The following GRIK5 variants were observed in gnomAD, a reference collection of about 807,000 sequenced individuals.
GRIK5 encodes the protein glutamate receptor ionotropic, kainate 5.
Under a neutral mutation model 97.4 loss-of-function variants are expected in GRIK5, and 43 were observed. The ratio of observed to expected loss-of-function variants is 0.44; its 90% CI spans 0.35 to 0.57. The LOEUF is 0.57. GRIK5 is among the 20% of genes least tolerant of loss of function. GRIK5 has a pLI of 0.01. For missense variants in GRIK5, 1,015 were observed against 1,382.0 expected (o/e 0.73, Z 4.21); for synonymous variants, 580 against 583.5 (o/e 0.99, Z 0.09).
intron 11 of GRIK5, among the ~76,000 whole-genome samples, chr19:42,049,465 C>T (rs559725590): frequency 6.6e-6 from 1 of 152,288 alleles, no homozygotes; most frequent in African/African-American, 2.4e-5. Context: ...AATGAGACTA[C>T]ACTACTTGCA....
intron 12 of GRIK5, among the ~76,000 whole-genome samples, chr19:42,035,272 C>T (rs2075888946): frequency 6.6e-6 from 1 of 152,134 alleles, no homozygotes; most frequent in Non-Finnish European, 1.5e-5. Context: ...TGAGTCACTG[C>T]GCCTGGCCTA....
chr19:42,053,662 G>A lies in GRIK5; in HGVS notation c.1209C>T (p.Thr403=). The A allele has an allele frequency of 6.2e-7, 1 of 1,613,704 alleles. No homozygotes were observed. The highest frequency in any genetic ancestry group is 8.5e-7 in the Non-Finnish European group (1 of 1,179,582). Residue 403 remains threonine, a synonymous_variant, in exon 11 of 20, where the codon ACC becomes ACT. Transcript: ENST00000593562. ...SNRTLAMNAT[T]LDINLSQTLA... ...GTGTCTGCGACAGGTTGATGTCCAG[G>A]GTGGTGGCATTCATGGCCAGGGTGC...
intron 15 of GRIK5, among the ~76,000 whole-genome samples, chr19:42,016,064 A>G (rs1312969302): frequency 6.6e-6 from 1 of 152,138 alleles, no homozygotes; most frequent in Non-Finnish European, 1.5e-5. Flanking sequence ...GACTGACTCA[A>G]CCTCTCCAGA....
At chr19:42,041,311 C>T (rs2075975008) in intron 12 of GRIK5, among the ~76,000 whole-genome samples, 1 of 152,162 alleles carries the variant, frequency 6.6e-6, no homozygotes, top group Non-Finnish European at 1.5e-5. Flanking sequence ...GTCTGCACAC[C>T]AGCTCTGGGA....
chr19:42,038,124 A>G (rs922914244), intron 12 of GRIK5, among the ~76,000 whole-genome samples: 1 of 152,204 alleles, frequency 6.6e-6, no homozygotes, highest in Non-Finnish European at 1.5e-5. Context: ...TCAGACTCAC[A>G]CTGTAGAAAG....
Position 42,062,672 on chromosome 19 carries a change from T to C in GRIK5, c.343-19A>G, listed in dbSNP as rs372932393. ...GGGGGATCTGGACAGAGAGGAAACT[T>C]TGGCCTCCATCCTGCTTCTCCGCCC... is the stretch of plus-strand genomic sequence containing the variant. On this transcript the variant is annotated intron_variant, in intron 4 of 19. Transcript: ENST00000593562. The surrounding 1 kb of genome is among the most constrained non-coding windows in gnomAD (Gnocchi z 5.3). 40 of 1,613,632 alleles carry C rather than the reference T, an allele frequency of 2.5e-5. No homozygotes were observed. The highest frequency in any genetic ancestry group is 3.1e-5 in the Non-Finnish European group (37 of 1,179,794).
At chr19:42,063,902 C>G (rs1466629441) in intron 3 of GRIK5, among the ~76,000 whole-genome samples, 1 of 152,162 alleles carries the variant, frequency 6.6e-6, no homozygotes, top group Non-Finnish European at 1.5e-5. Context: ...TCTGCCACCT[C>G]TAACTAAAGG....
At position 42,003,033 on chromosome 19, in the gene GRIK5, G is replaced by A. The variant is rs2075442145; in HGVS notation, c.2514+299C>T. On this transcript the variant is annotated intron_variant, in intron 19 of 19. Transcript: ENST00000593562. The surrounding 1 kb of genome is among the most constrained non-coding windows in gnomAD (Gnocchi z 4.2). ...TTACAGGTGTGAGCCACTGCACTTG[G>A]CCCTGTTTCTCTTCTTATTTCTTCT... is the stretch of plus-strand genomic sequence containing the variant. Among the ~76,000 whole-genome samples, 1 of 152,024 alleles carries A rather than the reference G, an allele frequency of 6.6e-6. No individual in the cohort carries two copies. Among genetic ancestry groups the A allele is most frequent in the Non-Finnish European group, 1.5e-5 (1 of 67,986 alleles).
Position 42,006,418 on chromosome 19 carries a change from A to G in GRIK5, c.2037+227T>C, listed in dbSNP as rs1477927329. 6.6e-6 allele frequency among the ~76,000 whole-genome samples: 1 copy of G among 152,106 alleles called. No individual in the cohort carries two copies. Among genetic ancestry groups the G allele is most frequent in the Non-Finnish European group, 1.5e-5 (1 of 68,026 alleles). On this transcript the variant is annotated intron_variant, in intron 16 of 19. Transcript: ENST00000593562. This position sits in a 1 kb window ranked among gnomAD's most constrained non-coding sequence, Gnocchi z 5.3. ...TCCTTGATCCCATTTGGCCCATATG[A>G]CATTGACATTTGATACCACATATGC...
intron 9 of GRIK5, 32 bp from the exon 10 acceptor site, chr19:42,053,961 A>AAGCCTCCTGCTCGCCAGGCCCT: frequency 6.8e-7 from 1 of 1,464,656 alleles, no homozygotes; most frequent in Non-Finnish European, 9.6e-7. Flanking sequence ...GCAGAGGGAG[A>AAGCCTCCTGCTCGCCAGGCCCT]GTGCAGGGGC....
rs1209490633 is a variant in GRIK5, at chr19:42,021,728, G to A, written c.1697+219C>T. Among the ~76,000 whole-genome samples the A allele has an allele frequency of 1.3e-5, 2 of 152,098 alleles. No homozygotes were observed. The highest frequency in any genetic ancestry group is 6.6e-5 in the Admixed American group (1 of 15,266). Reference sequence around the variant, plus strand: ...GCAAAAAAGGGAGAGGCGGGAAGGGGAGAGACCTGAACAGAGAACCACAGA... The same window carrying A: ...GCAAAAAAGGGAGAGGCGGGAAGGGAAGAGACCTGAACAGAGAACCACAGA... On this transcript the variant is annotated intron_variant, in intron 14 of 19. Coordinates refer to ENST00000593562, the MANE Select transcript of GRIK5 (RefSeq NM_002088.5). This position sits in a 1 kb window ranked among gnomAD's most constrained non-coding sequence, Gnocchi z 4.2.
chr19:42,052,981 T>C (rs2076136082), intron 11 of GRIK5, among the ~76,000 whole-genome samples: 1 of 152,188 alleles, frequency 6.6e-6, no homozygotes, highest in Non-Finnish European at 1.5e-5. Flanking sequence ...GGAAAGGGCC[T>C]AGCACAGTGC....
At position 42,006,692 on chromosome 19, in the gene GRIK5, T is replaced by C. The variant is rs1302500291; in HGVS notation, c.1990A>G (p.Ile664Val). 2.5e-6 allele frequency: 4 copies of C among 1,613,894 alleles called. No homozygotes were observed. Among genetic ancestry groups the C allele is most frequent in the African/African-American group, 1.3e-5 (1 of 74,900 alleles). Residue 664 changes from isoleucine to valine, a missense_variant, in exon 16 of 20, where the codon ATC (isoleucine) becomes GTC (valine). Physicochemically the swap from Ile to Val is conservative, Grantham distance 29. Around this residue, in one of 5 missense-constraint regions of GRIK5, gnomAD observed 477 missense variants for 701.1 expected, o/e 0.68. Coordinates refer to ENST00000593562, the MANE Select transcript of GRIK5 (RefSeq NM_002088.5). The surrounding 1 kb of genome is among the most constrained non-coding windows in gnomAD (Gnocchi z 5.3). ...CCGGCGTGGATGGTGCCATACTCGA[T>C]GTTGGTCTGATCTGCCAGGTCATCG... Reference protein sequence around the residue: ...SADDLADQTNIEYGTIHAGST... With the variant: ...SADDLADQTNVEYGTIHAGST...
At chr19:42,066,732 A>G (rs1042602722) in intron 1 of GRIK5, among the ~76,000 whole-genome samples, 2 of 151,926 alleles carry the variant, frequency 1.3e-5, no homozygotes, top group Admixed American at 1.3e-4. Context: ...TAAAGAAAGG[A>G]CAGAGCAGGG....
Position 42,021,309 on chromosome 19 carries a change from G to A in GRIK5, c.1863C>T (p.Ser621=), listed in dbSNP as rs761064673. 15 of 1,611,792 alleles carry A rather than the reference G, an allele frequency of 9.3e-6. No homozygotes were observed. The highest frequency in any genetic ancestry group is 4.5e-5 in the East Asian group (2 of 44,858). ...MPRALSTRCV[S]GVWWAFTLII... is the part of the protein sequence containing the mutation. ...GATAGAAAGCTTCTCACCAGACTCC[G>A]CTGACACAGCGCGTGGACAGCGCCC... is the stretch of plus-strand genomic sequence containing the variant. The change falls in exon 15 of 20, where the codon AGC becomes AGT. Residue 621 remains serine (S), a synonymous_variant. Transcript: ENST00000593562. The surrounding 1 kb of genome is among the most constrained non-coding windows in gnomAD (Gnocchi z 4.2).
chr19:42,042,378 G>A lies in GRIK5; in HGVS notation c.1473+174C>T, dbSNP rs1343994240. On this transcript the variant is annotated intron_variant, in intron 12 of 19. Transcript: ENST00000593562. This position sits in a 1 kb window ranked among gnomAD's most constrained non-coding sequence, Gnocchi z 6.9. ...TCCTCTGTCCCATCCCACAGCACCC[G>A]CCAGGCACAGGCATACAGCGCAACA... 1.3e-5 allele frequency among the ~76,000 whole-genome samples: 2 copies of A among 152,184 alleles called. No homozygotes were observed. Among genetic ancestry groups the A allele is most frequent in the Non-Finnish European group, 2.9e-5 (2 of 68,036 alleles).
chr19:42,007,232 T>C (rs2075503401), intron 15 of GRIK5, among the ~76,000 whole-genome samples: 1 of 151,948 alleles, frequency 6.6e-6, no homozygotes. Context: ...GTAGCTGAGA[T>C]TACAGGTGCC....
intron 12 of GRIK5, among the ~76,000 whole-genome samples, chr19:42,026,221 C>T (rs2075770153): frequency 6.6e-6 from 1 of 152,132 alleles, no homozygotes; most frequent in South Asian, 2.1e-4. Context: ...CTGCTGGGCT[C>T]AAGTGATCCT....
At position 42,022,636 on chromosome 19, in the gene GRIK5, G is replaced by A. The variant is rs972022373; in HGVS notation, c.1474-282C>T. On this transcript the variant is annotated intron_variant, in intron 12 of 19. Transcript: ENST00000593562. This position sits in a 1 kb window ranked among gnomAD's most constrained non-coding sequence, Gnocchi z 4.2. ...CCAGCATCAAGGGCTGGGGATGGAG[G>A]GGTTCCCCAAACTCCAATTCAAGCA... 1.2e-5 allele frequency: 12 copies of A among 984,918 alleles called. No individual in the cohort carries two copies. In the African/African-American group the frequency reaches 1.4e-4, roughly 12 times the overall value. The allele number at this position is 984,918 out of a possible 1,614,324, so 61.0% of individuals were successfully genotyped here.
Sources: gnomAD v4.1 joint callset for allele counts (sites outside exome capture counted in the v4.1 genomes callset) on GRCh38, gnomAD v4.1.1 for gene constraint, gnomAD v4.1.1 regional missense constraint, Gnocchi (gnomAD v3.1) non-coding constraint, MANE v1.5 for transcripts, NCBI Gene and HGNC (gene_info 2026-07-23, HGNC 2026-07-21) for gene names.